KSR1: variants seen among roughly 807,000 people sequenced by gnomAD.
KSR1 encodes kinase suppressor of ras 1, also known as kinase suppressor of ras.
KSR1 carries 35 observed loss-of-function variants against 92.9 expected under a neutral mutation model. That is an observed-to-expected ratio of 0.38 (90% confidence interval 0.29 to 0.50). KSR1 has a LOEUF of 0.50. Ranked by LOEUF, KSR1 falls within the 20% of genes least tolerant of loss-of-function variation. The pLI, the probability that KSR1 is intolerant of heterozygous loss-of-function variation, is 0.94. For missense variants in KSR1, 972 were observed against 1,158.5 expected, an observed-to-expected ratio of 0.84 and a Z score of 2.34; for synonymous variants, 467 against 472.6, an observed-to-expected ratio of 0.99 and a Z score of 0.15.
chr17:27,510,769 A>G (rs555630687), intron 1 of KSR1, among the ~76,000 whole-genome samples: 11 of 152,238 alleles, frequency 7.2e-5, no homozygotes, highest in African/African-American at 2.6e-4. Context: ...TGCTTATCTA[A>G]TGTCTTTTAA....
chr17:27,476,163 C>T (rs111334661), intron 1 of KSR1, among the ~76,000 whole-genome samples: 5,648 of 152,252 alleles, frequency 0.037, 329 homozygotes, highest in African/African-American at 0.13. Flanking sequence ...CCCGGGGGGA[C>T]CATGCTCAGT....
intron 1 of KSR1, among the ~76,000 whole-genome samples, chr17:27,531,545 T>G (rs559461683): frequency 1.1e-4 from 15 of 131,692 alleles, no homozygotes; most frequent in African/African-American, 4.7e-4. Context: ...CTGTGTTCTG[T>G]GGGCGAGTGC....
rs1567875587 is a variant in KSR1 at position 27,601,398 on chromosome 17, C to T, written c.1507C>T (p.Pro503Ser). 1 of 1,613,172 alleles carries T rather than the reference C, an allele frequency of 6.2e-7. No homozygotes were observed. ...FIHHRQQFIF[P>S]DISAFAHAAP... ...TCATCATAGACAGCAGTTTATCTTT[C>T]CAGGTGAGTCCTTTGCATGGTTCCA... is the stretch of plus-strand genomic sequence containing the variant. The change falls in exon 11 of 21, where the codon CCA becomes TCA. Residue 503 changes from proline (P) to serine (S), a missense_variant. Pro to Ser is a moderately conservative substitution (Grantham distance 74, BLOSUM62 -1). Around this residue, in one of 5 missense-constraint regions of KSR1, gnomAD observed 611 missense variants for 668.0 expected, o/e 0.91. Coordinates refer to ENST00000644974, the MANE Select transcript of KSR1 (RefSeq NM_001394583.1).
intron 1 of KSR1, among the ~76,000 whole-genome samples, chr17:27,487,618 C>A (rs2068705980): frequency 6.6e-6 from 1 of 151,012 alleles, no homozygotes; most frequent in Non-Finnish European, 1.5e-5. Flanking sequence ...ATTTGGCTCA[C>A]AGTTCTGCAG....
chr17:27,581,135 G>A (rs1184199961), intron 3 of KSR1, among the ~76,000 whole-genome samples: 1 of 152,130 alleles, frequency 6.6e-6, no homozygotes, highest in African/African-American at 2.4e-5. Flanking sequence ...CGGAAGGCAA[G>A]GGGGAGTGAG....
intron 13 of KSR1, 82 bp downstream of exon 13, chr17:27,604,810 G>A: frequency 7.0e-7 from 1 of 1,426,312 alleles, no homozygotes; most frequent in Non-Finnish European, 9.9e-7. Context: ...GGGGCTTGAG[G>A]GTGAGTGGGT....
chr17:27,563,981 CTTTTTTTT>C lies in KSR1; in HGVS notation c.372+13291_372+13298del, dbSNP rs200904358. Among the ~76,000 whole-genome samples the C allele has an allele frequency of 7.1e-3, 334 of 46,930 alleles. 12 individuals are homozygous for C. The Admixed American group carries it at 0.087, about 12-fold the overall frequency. 30.8% of individuals were successfully genotyped at this position (46,930 alleles called of 152,430 possible). Reference sequence around the variant, plus strand: ...TATTTGTACAGTTGGTATTCGGTAGCTTTTTTTTTTTTTTTTTTTTTTTTTGAGATGGA... The same window carrying C: ...TATTTGTACAGTTGGTATTCGGTAGCTTTTTTTTTTTTTTTTTGAGATGGA... On this transcript the variant is annotated intron_variant, in intron 2 of 20. Transcript: ENST00000644974.
intron 5 of KSR1, among the ~76,000 whole-genome samples, chr17:27,586,510 C>T (rs2072973480): frequency 6.6e-6 from 1 of 152,132 alleles, no homozygotes; most frequent in South Asian, 2.1e-4. Flanking sequence ...CAGGGAGGCA[C>T]AGGGGGAGCA....
chr17:27,546,734 C>T (rs1364762969), intron 1 of KSR1, among the ~76,000 whole-genome samples: 1 of 152,136 alleles, frequency 6.6e-6, no homozygotes, highest in Non-Finnish European at 1.5e-5. Flanking sequence ...TCTGGTCTCA[C>T]TGGGCGGGAT....
In KSR1 at chr17:27,625,620, G is replaced by GC. The variant is rs56793447; in HGVS notation, c.*2233dup. On this transcript the variant is annotated 3_prime_UTR_variant, in exon 21 of 21. Transcript: ENST00000644974. The stretch of plus-strand genomic sequence containing the variant: ...AAGAACCCCACCCCACCCCATGATG[G>GC]CCCCCTCTGTTCCCCTTGTATTTCA... The GC allele has an allele frequency of 6.6e-6, 1 of 152,108 alleles. No homozygotes were observed. The allele number at this position is 152,108 out of a possible 1,614,324, so 9.4% of individuals were successfully genotyped here. A position where few individuals can be genotyped will look rare whatever the true frequency, so the allele number is the denominator to read the frequency against.
intron 17 of KSR1, chr17:27,611,182 T>A: frequency 5.9e-6 from 2 of 336,352 alleles, no homozygotes; most frequent in Non-Finnish European, 1.1e-5. Context: ...CCCACTGAGG[T>A]GAAGCAGTTT....
At chr17:27,464,105 G>T (rs548314756) in intron 1 of KSR1, among the ~76,000 whole-genome samples, 1 of 152,290 alleles carries the variant, frequency 6.6e-6, no homozygotes, top group South Asian at 2.1e-4. Context: ...CTGGCCTGTT[G>T]ACTGAGGGTG....
intron 1 of KSR1, among the ~76,000 whole-genome samples, chr17:27,533,964 C>CGTGT (rs60306092): frequency 6.6e-6 from 1 of 151,620 alleles, no homozygotes; most frequent in Non-Finnish European, 1.5e-5. Context: ...CGTGTGCGCA[C>CGTGT]GTGTGTGTGT....
intron 6 of KSR1, among the ~76,000 whole-genome samples, chr17:27,589,840 C>T (rs1447160143): frequency 6.6e-6 from 1 of 152,120 alleles, no homozygotes. Flanking sequence ...AGAAAATTGC[C>T]CTCTTGTTCC....
intron 2 of KSR1, among the ~76,000 whole-genome samples, chr17:27,565,297 C>G (rs1430845084): frequency 6.6e-6 from 1 of 152,186 alleles, no homozygotes; most frequent in Non-Finnish European, 1.5e-5. Context: ...CTTTAGCAGG[C>G]ACTCCCATTG....
At chr17:27,503,440 T>C (rs1661268668) in intron 1 of KSR1, among the ~76,000 whole-genome samples, 1 of 152,190 alleles carries the variant, frequency 6.6e-6, no homozygotes, top group Non-Finnish European at 1.5e-5. Context: ...GGCTCCTGCC[T>C]CTAATCCCAG....
At chr17:27,584,546 A>G (rs1216311274) in intron 4 of KSR1, among the ~76,000 whole-genome samples, 1 of 152,202 alleles carries the variant, frequency 6.6e-6, no homozygotes, top group Non-Finnish European at 1.5e-5. Flanking sequence ...GGCTCAACCC[A>G]GTCCCTGTGT....
chr17:27,617,549 CAG>C (rs1442842744), intron 19 of KSR1, 121 bp downstream of exon 19: 14 of 1,188,014 alleles, frequency 1.2e-5, no homozygotes, highest in Non-Finnish European at 1.6e-5. Context: ...TTTTTTGAGA[CAG>C]AGTCTCGCTC....
chr17:27,598,437 T>C (rs2073424148), intron 10 of KSR1, among the ~76,000 whole-genome samples: 1 of 152,202 alleles, frequency 6.6e-6, no homozygotes, highest in South Asian at 2.1e-4. Flanking sequence ...GAGCTTCTCC[T>C]GGGACTTCTT....
Sources: gnomAD v4.1 joint callset for allele counts (sites outside exome capture counted in the v4.1 genomes callset) on GRCh38, gnomAD v4.1.1 for gene constraint, gnomAD v4.1.1 regional missense constraint, MANE v1.5 for transcripts, NCBI Gene and HGNC (gene_info 2026-07-23, HGNC 2026-07-21) for gene names.